The following MYO9B variants were observed in gnomAD, a reference collection of about 807,000 sequenced individuals.
MYO9B encodes the protein unconventional myosin-IXb.
Under a neutral mutation model 229.5 loss-of-function variants are expected in MYO9B, and 71 were observed. The ratio of observed to expected loss-of-function variants is 0.31; its 90% CI spans 0.26 to 0.38. The LOEUF (loss-of-function observed/expected upper bound fraction) is 0.38, where lower values mean the gene tolerates loss of function less well. Among genes scored for constraint, MYO9B ranks in the 10% least tolerant of loss-of-function variants. The probability of loss-of-function intolerance (pLI) is 1.00; values close to 1 mark genes in which losing one functional copy is unlikely to be tolerated. For missense variants in MYO9B, 2,255 were observed against 2,920.5 expected (o/e 0.77, Z 5.25); for synonymous variants, 1,185 against 1,235.8 (o/e 0.96, Z 0.86).
chr19:17,097,340 A>C lies in MYO9B; in HGVS notation c.-58-4320A>C, dbSNP rs539307598. Among the ~76,000 whole-genome samples the C allele has an allele frequency of 5.9e-5, 9 of 151,906 alleles. No individual in the cohort carries two copies. The East Asian group carries it at 1.8e-3, about 30-fold the overall frequency. On this transcript the variant is annotated intron_variant, in intron 1 of 39. Coordinates refer to ENST00000682292, the MANE Select transcript of MYO9B (RefSeq NM_004145.4). ...CATTTCAAAAAAATTAAAAAAAAAA[A>C]AACAGCATCTCGCCCTGTTGCTCAA...
At chr19:17,126,131 C>T (rs1301190220) in intron 2 of MYO9B, among the ~76,000 whole-genome samples, 2 of 152,222 alleles carry the variant, frequency 1.3e-5, no homozygotes, top group African/African-American at 4.8e-5. Flanking sequence ...TTCACCACAG[C>T]TCTGAGCTCT....
At chr19:17,154,526 G>C in intron 6 of MYO9B, 111 bp downstream of exon 6, 4 of 783,594 alleles carry the variant, frequency 5.1e-6, no homozygotes, top group Non-Finnish European at 8.1e-6. Flanking sequence ...CAGGCAGGCA[G>C]TGTCCTGAAC....
chr19:17,185,036 C>T lies in MYO9B; in HGVS notation c.2496+49C>T. On this transcript the variant is annotated intron_variant, in intron 17 of 39. Transcript: ENST00000682292. ...AGGTGGCGGTCAGCTCAGCCTCAGG[C>T]TTGTGTAGCTTCACCCGACACCGAG... 5.0e-6 allele frequency: 8 copies of T among 1,611,556 alleles called. No homozygotes were observed. In the South Asian group the frequency reaches 7.7e-5, roughly 15 times the overall value.
At chr19:17,186,576 C>T (rs955625247) in intron 18 of MYO9B, among the ~76,000 whole-genome samples, 5 of 152,082 alleles carry the variant, frequency 3.3e-5, no homozygotes, top group Non-Finnish European at 5.9e-5. Flanking sequence ...GGAGATGCTC[C>T]GTAGTGCACC....
chr19:17,114,643 A>G (rs577588619), intron 2 of MYO9B, among the ~76,000 whole-genome samples: 12 of 152,238 alleles, frequency 7.9e-5, no homozygotes, highest in South Asian at 6.2e-4. Flanking sequence ...GGTTTTTTGC[A>G]AAGGAATGTA....
chr19:17,152,474 A>C, intron 3 of MYO9B, 170 bp from the exon 4 acceptor site: 2 of 530,206 alleles, frequency 3.8e-6, no homozygotes, highest in East Asian at 7.0e-5. Context: ...GAGGCAAGAG[A>C]ATCGCTTGAA....
In MYO9B at chr19:17,101,680, G is replaced by A. The variant is rs1248407306; in HGVS notation, c.-38G>A. ...TCTAGCTCCAGGACACGCGCGCCCC[G>A]AGCCTGGGAGGCATGCTGAAGCCAG... On this transcript the variant is annotated 5_prime_UTR_variant, in exon 2 of 40. Transcript: ENST00000682292. The surrounding 1 kb of genome is among the most constrained non-coding windows in gnomAD (Gnocchi z 4.7). The A allele has an allele frequency of 4.0e-6, 6 of 1,518,890 alleles. No homozygotes were observed. Among genetic ancestry groups the A allele is most frequent in the Middle Eastern group, 1.7e-4 (1 of 5,850 alleles). The allele number at this position is 1,518,890 out of a possible 1,614,324, so 94.1% of individuals were successfully genotyped here.
At chr19:17,132,178 CTTTTTTT>C (rs60927116) in intron 2 of MYO9B, among the ~76,000 whole-genome samples, 44 of 78,444 alleles carry the variant, frequency 5.6e-4, no homozygotes, top group Non-Finnish European at 7.3e-4. Flanking sequence ...TATTTTATTT[CTTTTTTT>C]TTTTTTTTTT....
intron 16 of MYO9B, 97 bp from the exon 17 acceptor site, chr19:17,184,768 G>T: frequency 6.5e-7 from 1 of 1,529,344 alleles, no homozygotes; most frequent in Non-Finnish European, 8.9e-7. Context: ...TCGCTGCGGG[G>T]ACGCTGTTCT....
intron 15 of MYO9B, among the ~76,000 whole-genome samples, chr19:17,182,313 C>A (rs2072870573): frequency 6.6e-6 from 1 of 152,078 alleles, no homozygotes; most frequent in Non-Finnish European, 1.5e-5. Flanking sequence ...GTCTCAAACT[C>A]CTGGGCTCAA....
intron 1 of MYO9B, among the ~76,000 whole-genome samples, chr19:17,096,895 T>C (rs1435499677): frequency 7.9e-6 from 1 of 126,992 alleles, no homozygotes; most frequent in African/African-American, 3.1e-5. Context: ...TTAGTAGAGA[T>C]GGGGTTTCAC....
At chr19:17,197,150 G>T (rs1166351922) in intron 22 of MYO9B, among the ~76,000 whole-genome samples, 1 of 151,988 alleles carries the variant, frequency 6.6e-6, no homozygotes, top group Non-Finnish European at 1.5e-5. Context: ...GTTGGCGCAT[G>T]CCTCTAATCC....
At chr19:17,124,409 A>G (rs943968111) in intron 2 of MYO9B, among the ~76,000 whole-genome samples, 1 of 152,222 alleles carries the variant, frequency 6.6e-6, no homozygotes, top group African/African-American at 2.4e-5. Context: ...GTGACACTCT[A>G]ACAATGCAAT....
At chr19:17,197,722 A>C in intron 22 of MYO9B, 70 bp from the exon 23 acceptor site, 1 of 1,575,062 alleles carries the variant, frequency 6.3e-7, no homozygotes, top group Non-Finnish European at 8.7e-7. Context: ...AGAACCCAAG[A>C]ACCACTAAGA....
intron 4 of MYO9B, 72 bp downstream of exon 4, chr19:17,152,778 G>A (rs1234007590): frequency 1.4e-6 from 2 of 1,391,176 alleles, no homozygotes; most frequent in Non-Finnish European, 2.0e-6. Context: ...GAGGAGAGAA[G>A]CAAAGCAAAC....
intron 21 of MYO9B, among the ~76,000 whole-genome samples, chr19:17,194,258 A>G (rs1318025812): frequency 6.6e-6 from 1 of 152,206 alleles, no homozygotes; most frequent in African/African-American, 2.4e-5. Context: ...GTGGACCCCA[A>G]AGGAGTTTGA....
Position 17,079,709 on chromosome 19 carries a change from G to A in MYO9B, c.-59+3835G>A, listed in dbSNP as rs543891235. 6.6e-5 allele frequency among the ~76,000 whole-genome samples: 10 copies of A among 152,268 alleles called. No homozygotes were observed. The South Asian group carries it at 2.1e-3, about 32-fold the overall frequency. On this transcript the variant is annotated intron_variant, in intron 1 of 39. Coordinates refer to ENST00000682292, the MANE Select transcript of MYO9B (RefSeq NM_004145.4). ...CCTTGATTGGAGGAGACGCTCTGGG[G>A]CCACGGGACTGACGGTCCCTTCTGG...
intron 1 of MYO9B, among the ~76,000 whole-genome samples, chr19:17,082,115 A>G (rs2057538938): frequency 6.6e-6 from 1 of 152,204 alleles, no homozygotes. Flanking sequence ...TCCTTCAGCA[A>G]AAAGGAAGTA....
chr19:17,200,352 G>T lies in MYO9B; in HGVS notation c.4298G>T (p.Gly1433Val), dbSNP rs1192739511. 6.2e-7 allele frequency: 1 copy of T among 1,611,358 alleles called. No individual in the cohort carries two copies. Among genetic ancestry groups the T allele is most frequent in the South Asian group, 1.1e-5 (1 of 90,650 alleles). Residue 1433 changes from glycine (G) to valine (V), a missense_variant, in exon 25 of 40, where the codon GGC becomes GTC. Physicochemically the swap from Gly to Val is moderately radical, Grantham distance 109. Coordinates refer to ENST00000682292, the MANE Select transcript of MYO9B (RefSeq NM_004145.4). The part of the protein sequence containing the change: ...KTKDKKYSLE[G>V]AEELENAVSG... Reference sequence around the variant, plus strand: ...AAGGATAAAAAATACAGCCTGGAGGGCGCAGAGGAGCTGGAGAATGCAGTG... The same window carrying T: ...AAGGATAAAAAATACAGCCTGGAGGTCGCAGAGGAGCTGGAGAATGCAGTG...
Sources: allele counts gnomAD v4.1 joint callset (sites outside exome capture counted in the v4.1 genomes callset), GRCh38; gene constraint gnomAD v4.1.1; non-coding constraint Gnocchi (gnomAD v3.1); transcripts MANE v1.5; gene names NCBI Gene and HGNC (gene_info 2026-07-23, HGNC 2026-07-21).